Variants in KLF12 observed in about 807,000 individuals in gnomAD.
The protein encoded by KLF12 is KLF transcription factor 12.
A neutral mutation model predicts 37.8 loss-of-function variants in KLF12; 9 were observed. The observed-to-expected ratio is 0.24, with a 90% CI of 0.14 to 0.42. The LOEUF (loss-of-function observed/expected upper bound fraction) is 0.42, where lower values mean the gene tolerates loss of function less well. Among genes scored for constraint, KLF12 ranks in the 10% least tolerant of loss-of-function variants. KLF12 has a pLI of 1.00. For synonymous variants in KLF12, 208 were observed against 202.1 expected (o/e 1.03, Z -0.25); for missense variants, 411 against 516.0 (o/e 0.80, Z 1.97).
In KLF12 at chr13:73,838,272, A is replaced by G. The variant is rs574430334; in HGVS notation, c.670+7555T>C. ...GCTTCTTTCTATAGGCTGCTGAGAA[A>G]AGCAACAGCCTGTAGGAAGAAAATG... On this transcript the variant is annotated intron_variant, in intron 4 of 7. Transcript: ENST00000377669. Among the ~76,000 whole-genome samples, 28 of 151,810 alleles carry G rather than the reference A, an allele frequency of 1.8e-4. No individual in the cohort carries two copies. The East Asian group carries it at 5.0e-3, about 27-fold the overall frequency.
intron 5 of KLF12, among the ~76,000 whole-genome samples, chr13:73,775,785 T>C (rs1160213238): frequency 6.6e-6 from 1 of 152,222 alleles, no homozygotes; most frequent in Non-Finnish European, 1.5e-5. Flanking sequence ...CTTTGCTATC[T>C]CTGGCTGCAT....
chr13:73,815,562 T>C (rs1170183245), intron 4 of KLF12, among the ~76,000 whole-genome samples: 3 of 152,144 alleles, frequency 2.0e-5, no homozygotes, highest in Non-Finnish European at 4.4e-5. Context: ...TTCACAACTA[T>C]TCAAAGCCAG....
chr13:73,785,020 A>G (rs1041029364), intron 5 of KLF12, among the ~76,000 whole-genome samples: 2 of 151,986 alleles, frequency 1.3e-5, no homozygotes, highest in Non-Finnish European at 2.9e-5. Context: ...GGTGTCTCCC[A>G]AAGTTACATT....
At chr13:73,988,295 C>T (rs1043966834) in intron 2 of KLF12, among the ~76,000 whole-genome samples, 1 of 152,244 alleles carries the variant, frequency 6.6e-6, no homozygotes, top group African/African-American at 2.4e-5. Context: ...TCAAATGTCA[C>T]TTTAAATGTG....
chr13:74,293,445 T>C, the KLF12 span, among the ~76,000 whole-genome samples: 2 of 152,204 alleles, frequency 1.3e-5, no homozygotes, highest in Admixed American at 6.5e-5. Context: ...GATATAATAG[T>C]AAATTCAAGA....
chr13:74,228,319 A>G, the KLF12 span, among the ~76,000 whole-genome samples: 1 of 152,208 alleles, frequency 6.6e-6, no homozygotes, highest in African/African-American at 2.4e-5. Context: ...AAGTGGAATG[A>G]AAATAATATA....
chr13:73,846,473 G>C lies in KLF12; in HGVS notation c.124-100C>G, dbSNP rs181760711. ...AACGTTTATTACTTTTTCTCTTATTGCTATGGGACATTTATTCGTTCTCCA... is the reference window on the plus strand; with the variant it reads ...AACGTTTATTACTTTTTCTCTTATTCCTATGGGACATTTATTCGTTCTCCA... On this transcript the variant is annotated intron_variant, in intron 3 of 7. Transcript: ENST00000377669. The C allele has an allele frequency of 1.2e-4, 122 of 1,050,314 alleles. No individual in the cohort carries two copies. The African/African-American group carries it at 1.9e-3, about 16-fold the overall frequency. The allele number at this position is 1,050,314 out of a possible 1,614,324, so 65.1% of individuals were successfully genotyped here. A position where few individuals can be genotyped will look rare whatever the true frequency, so the allele number is the denominator to read the frequency against.
intron 1 of KLF12, among the ~76,000 whole-genome samples, chr13:74,037,737 T>C (rs749230056): frequency 3.9e-5 from 6 of 152,176 alleles, no homozygotes; most frequent in Non-Finnish European, 8.8e-5. Flanking sequence ...AAGCCAACTT[T>C]AAGATAATTT....
the KLF12 span, among the ~76,000 whole-genome samples, chr13:74,216,677 A>G: frequency 9.2e-5 from 14 of 152,250 alleles, no homozygotes; most frequent in African/African-American, 3.1e-4. Context: ...TCAAACTGCT[A>G]AAAGCAAAAA....
chr13:73,787,700 A>G (rs1881437513), intron 5 of KLF12, among the ~76,000 whole-genome samples: 1 of 152,158 alleles, frequency 6.6e-6, no homozygotes, highest in African/African-American at 2.4e-5. Context: ...GCTCCACAGT[A>G]TATGTAGTGG....
intron 1 of KLF12, among the ~76,000 whole-genome samples, chr13:74,112,619 A>T (rs560910092): frequency 3.8e-4 from 58 of 152,064 alleles, no homozygotes; most frequent in Non-Finnish European, 7.8e-4. Context: ...GGCAACACAA[A>T]CCCTGACCTT....
chr13:74,051,770 C>T (rs2138599613), intron 1 of KLF12, among the ~76,000 whole-genome samples: 1 of 152,160 alleles, frequency 6.6e-6, no homozygotes, highest in East Asian at 1.9e-4. Flanking sequence ...GATAAAAATC[C>T]CATAAAGTTA....
intron 4 of KLF12, among the ~76,000 whole-genome samples, chr13:73,818,854 G>A (rs969339782): frequency 1.3e-5 from 2 of 152,302 alleles, no homozygotes; most frequent in Admixed American, 6.5e-5. Flanking sequence ...TTTTAGCTAC[G>A]GACAGGCTCC....
At chr13:74,159,817 G>A in the KLF12 span, among the ~76,000 whole-genome samples, 6 of 151,936 alleles carry the variant, frequency 3.9e-5, no homozygotes, top group Non-Finnish European at 7.4e-5. Flanking sequence ...TCAGGAGCTC[G>A]AGACCAGCCT....
At chr13:73,934,443 C>T (rs976396684) in intron 3 of KLF12, among the ~76,000 whole-genome samples, 1 of 152,214 alleles carries the variant, frequency 6.6e-6, no homozygotes, top group African/African-American at 2.4e-5. Context: ...AGTCAACTGT[C>T]TTTTAAAAAG....
At chr13:73,708,543 C>T (rs1309891418) in intron 7 of KLF12, among the ~76,000 whole-genome samples, 1 of 152,096 alleles carries the variant, frequency 6.6e-6, no homozygotes, top group Non-Finnish European at 1.5e-5. Flanking sequence ...TTCAGACCCT[C>T]TTCTAGACTA....
chr13:73,860,684 C>A (rs577480538), intron 3 of KLF12, among the ~76,000 whole-genome samples: 93 of 152,182 alleles, frequency 6.1e-4, no homozygotes, highest in African/African-American at 2.0e-3. Context: ...ATCGAGGCTG[C>A]ACTGAGCTAT....
the KLF12 span, among the ~76,000 whole-genome samples, chr13:74,235,933 A>AT: frequency 3.0e-4 from 45 of 150,194 alleles, no homozygotes; most frequent in African/African-American, 9.3e-4. Flanking sequence ...TTTTTAGTTT[A>AT]TTTTTTTTAT....
intron 3 of KLF12, among the ~76,000 whole-genome samples, chr13:73,915,665 A>AC (rs1888787947): frequency 1.4e-5 from 2 of 144,834 alleles, no homozygotes; most frequent in African/African-American, 5.2e-5. Flanking sequence ...GGCACCTGCC[A>AC]CCACGCCCAG....
Sources: allele counts gnomAD v4.1 joint callset (sites outside exome capture counted in the v4.1 genomes callset), GRCh38; gene constraint gnomAD v4.1.1; transcripts MANE v1.5; gene names NCBI Gene and HGNC (gene_info 2026-07-23, HGNC 2026-07-21).